WDR31: variants seen among roughly 807,000 people sequenced by gnomAD.
WDR31 encodes the protein WD repeat domain 31.
In WDR31, 30 loss-of-function variants were observed where a neutral mutation model predicts 47.3. The observed-to-expected ratio is 0.63, with a 90% CI of 0.47 to 0.86. The LOEUF (loss-of-function observed/expected upper bound fraction) is 0.86. WDR31 is among the 40% of genes least tolerant of loss of function. The pLI, the probability that WDR31 is intolerant of heterozygous loss-of-function variation, is 0.00. For missense variants in WDR31, 406 were observed against 442.9 expected, an observed-to-expected ratio of 0.92 and a Z score of 0.75; for synonymous variants, 137 against 159.4, an observed-to-expected ratio of 0.86 and a Z score of 1.06.
intron 7 of WDR31, among the ~76,000 whole-genome samples, chr9:113,322,424 T>C (rs187536365): frequency 6.6e-6 from 1 of 152,170 alleles, no homozygotes; most frequent in African/African-American, 2.4e-5. Flanking sequence ...AGGTAATGCT[T>C]ATTTCTCCAC....
chr9:113,315,104 T>A lies in WDR31; in HGVS notation c.*1645A>T, dbSNP rs1010087369. On this transcript the variant is annotated 3_prime_UTR_variant, in exon 11 of 11. Transcript: ENST00000374193. ...TTTGTACTAGCTTAAGAACAGACTC[T>A]CAGCTGGATGTGGTGGCTCATACCT... The A allele has an allele frequency of 6.6e-6, 1 of 152,026 alleles. No homozygotes were observed. The highest frequency in any genetic ancestry group is 2.4e-5 in the African/African-American group (1 of 41,400). The allele number at this position is 152,026 out of a possible 1,614,324, so 9.4% of individuals were successfully genotyped here. A position where few individuals can be genotyped will look rare whatever the true frequency, so the allele number is the denominator to read the frequency against.
intron 9 of WDR31, among the ~76,000 whole-genome samples, chr9:113,319,955 CT>C (rs1464328118): frequency 6.6e-6 from 1 of 152,094 alleles, no homozygotes; most frequent in African/African-American, 2.4e-5. Context: ...CTTTTATTTT[CT>C]TTCTTTATTT....
chr9:113,338,975 A>G (rs190281303), intron 1 of WDR31, among the ~76,000 whole-genome samples: 230 of 152,204 alleles, frequency 1.5e-3, no homozygotes, highest in African/African-American at 5.2e-3. Context: ...CTGCCCAACA[A>G]CATATCCCTT....
chr9:113,334,289 G>C (rs928957464), intron 2 of WDR31, among the ~76,000 whole-genome samples: 4 of 152,118 alleles, frequency 2.6e-5, no homozygotes, highest in African/African-American at 9.7e-5. Context: ...ATAAACAATA[G>C]ATTATAATAG....
At position 113,331,888 on chromosome 9, in the gene WDR31, C is replaced by G; in HGVS notation, c.116+19G>C. On this transcript the variant is annotated intron_variant, in intron 3 of 10. Transcript: ENST00000374193. Reference sequence around the variant, plus strand: ...TGGGGCATGATAAAACCTGGGCTCCCAGGGGAGGATTGCAGTACCCGTATT... The same window carrying G: ...TGGGGCATGATAAAACCTGGGCTCCGAGGGGAGGATTGCAGTACCCGTATT... 6.2e-7 allele frequency: 1 copy of G among 1,610,710 alleles called. No individual in the cohort carries two copies. Among genetic ancestry groups the G allele is most frequent in the South Asian group, 1.1e-5 (1 of 90,902 alleles).
intron 9 of WDR31, among the ~76,000 whole-genome samples, chr9:113,319,020 C>T (rs1385892093): frequency 6.6e-6 from 1 of 152,198 alleles, no homozygotes; most frequent in Non-Finnish European, 1.5e-5. Context: ...TCAAGAGCTG[C>T]CTTATTTCAA....
chr9:113,318,012 A>G (rs550902172), intron 10 of WDR31, among the ~76,000 whole-genome samples: 1 of 152,240 alleles, frequency 6.6e-6, no homozygotes, highest in African/African-American at 2.4e-5. Flanking sequence ...TGCATAAGAC[A>G]TCTTTTTTCT....
chr9:113,330,678 TG>T (rs1324889316), intron 4 of WDR31, among the ~76,000 whole-genome samples: 1 of 152,208 alleles, frequency 6.6e-6, no homozygotes, highest in Non-Finnish European at 1.5e-5. Context: ...AGAAAGCATG[TG>T]GGTGGTCAGG....
intron 7 of WDR31, among the ~76,000 whole-genome samples, chr9:113,322,363 C>T (rs1833342911): frequency 6.6e-6 from 1 of 152,080 alleles, no homozygotes. Flanking sequence ...CAGTCTGCTA[C>T]TAGAAAACAA....
intron 1 of WDR31, among the ~76,000 whole-genome samples, chr9:113,337,754 C>T (rs758517793): frequency 6.6e-6 from 1 of 152,192 alleles, no homozygotes; most frequent in Admixed American, 6.5e-5. Flanking sequence ...GCATGAGCCA[C>T]CGTGCCCAGC....
intron 10 of WDR31, among the ~76,000 whole-genome samples, chr9:113,317,118 C>T (rs1833223417): frequency 6.6e-6 from 1 of 152,144 alleles, no homozygotes; most frequent in Non-Finnish European, 1.5e-5. Context: ...GGCACACGGG[C>T]CAAACAGGAT....
intron 7 of WDR31, 79 bp from the exon 8 acceptor site, chr9:113,321,657 G>T: frequency 7.5e-7 from 1 of 1,326,360 alleles, no homozygotes; most frequent in Non-Finnish European, 1.1e-6. Flanking sequence ...GTGCTAACTA[G>T]CATCACTGTG....
At chr9:113,332,155 T>C (rs1216373472) in intron 2 of WDR31, 105 bp from the exon 3 acceptor site, 8 of 764,088 alleles carry the variant, frequency 1.0e-5, no homozygotes, top group South Asian at 1.8e-5. Flanking sequence ...TGCTTTTGCT[T>C]TTCCTCCTCA....
In WDR31 at chr9:113,315,531, A is replaced by T. The variant is rs7849513; in HGVS notation, c.*1218T>A. ...CATTTTCCCTGGAGGAAAATGGACC[A>T]GTGAGCATGAGGCTGAGGTCTGACT... is the stretch of plus-strand genomic sequence containing the variant. On this transcript the variant is annotated 3_prime_UTR_variant, in exon 11 of 11. Coordinates refer to ENST00000374193, the MANE Select transcript of WDR31 (RefSeq NM_001012361.4). The T allele has an allele frequency of 0.55, 83,214 of 151,958 alleles. 23,260 individuals carry two copies. The highest frequency in any genetic ancestry group is 0.64 in the South Asian group (3,096 of 4,812). 9.4% of individuals were successfully genotyped at this position (151,958 alleles called of 1,614,324 possible). A position where few individuals can be genotyped will look rare whatever the true frequency, so the allele number is the denominator to read the frequency against.
At chr9:113,322,648 C>A (rs1431449379) in intron 7 of WDR31, among the ~76,000 whole-genome samples, 163 bp downstream of exon 7, 1 of 152,110 alleles carries the variant, frequency 6.6e-6, no homozygotes, top group Non-Finnish European at 1.5e-5. Context: ...AACATCTAAT[C>A]TAATAACCCT....
chr9:113,320,782 G>A (rs1833311161), intron 8 of WDR31, among the ~76,000 whole-genome samples: 2 of 152,116 alleles, frequency 1.3e-5, no homozygotes, highest in Admixed American at 1.3e-4. Flanking sequence ...TTGTTAATTT[G>A]GTCCTTTGAG....
At chr9:113,326,726 A>G (rs1226863412) in intron 5 of WDR31, among the ~76,000 whole-genome samples, 1 of 151,656 alleles carries the variant, frequency 6.6e-6, no homozygotes, top group East Asian at 1.9e-4. Context: ...CTCCTACCTC[A>G]GCTTCCCAAA....
chr9:113,323,999 C>A (rs1477505161), intron 5 of WDR31, among the ~76,000 whole-genome samples: 2 of 152,152 alleles, frequency 1.3e-5, no homozygotes, highest in South Asian at 4.2e-4. Flanking sequence ...CTGACCTACT[C>A]TTCCTGTTCT....
intron 2 of WDR31, 30 bp from the exon 3 acceptor site, chr9:113,332,080 T>C: frequency 6.9e-7 from 1 of 1,451,374 alleles, no homozygotes; most frequent in Non-Finnish European, 9.6e-7. Flanking sequence ...ATACATGTTG[T>C]TAATTTTGTT....
Sources: gnomAD v4.1 joint callset for allele counts (sites outside exome capture counted in the v4.1 genomes callset) on GRCh38, gnomAD v4.1.1 for gene constraint, MANE v1.5 for transcripts, NCBI Gene and HGNC (gene_info 2026-07-23, HGNC 2026-07-21) for gene names.